Variants in ST7L observed in about 807,000 individuals in gnomAD.
ST7L encodes the protein suppression of tumorigenicity 7 like, also known as suppressor of tumorigenicity 7 protein-like.
In ST7L, 57 loss-of-function variants were observed where a neutral mutation model predicts 72.5. The observed-to-expected ratio is 0.79, with a 90% CI of 0.64 to 0.98. The LOEUF (loss-of-function observed/expected upper bound fraction) is 0.98, where lower values mean the gene tolerates loss of function less well. Among genes scored for constraint, ST7L ranks in the 50% least tolerant of loss-of-function variants. The pLI is 0.00. For synonymous variants in ST7L, 221 were observed against 240.9 expected (o/e 0.92, Z 0.77); for missense variants, 576 against 672.2 (o/e 0.86, Z 1.58).
chr1:112,543,464 C>T (rs1264730661), intron 13 of ST7L, among the ~76,000 whole-genome samples: 1 of 152,198 alleles, frequency 6.6e-6, no homozygotes, highest in East Asian at 1.9e-4. Flanking sequence ...AGGAAAATCG[C>T]TTGAACCCGG....
chr1:112,554,307 T>C, intron 12 of ST7L, among the ~76,000 whole-genome samples: 1 of 152,154 alleles, frequency 6.6e-6, no homozygotes, highest in East Asian at 1.9e-4. Context: ...TTTAAAACAG[T>C]CCAATTTATT....
downstream of ST7L, chr1:112,520,374 T>G (rs763616947): frequency 5.6e-6 from 9 of 1,614,034 alleles, 1 homozygote; most frequent in South Asian, 9.9e-5. Flanking sequence ...ACGACACAAC[T>G]CGAGTCACCC....
At chr1:112,618,278 GC>G (rs1361301694) in intron 1 of ST7L, 1 of 1,054,264 alleles carries the variant, frequency 9.5e-7, no homozygotes, top group East Asian at 8.7e-5. Flanking sequence ...AGAATACGTA[GC>G]AAGTGTTCTA....
intron 5 of ST7L, among the ~76,000 whole-genome samples, chr1:112,595,496 C>T (rs1666351429): frequency 6.6e-6 from 1 of 151,714 alleles, no homozygotes; most frequent in African/African-American, 2.4e-5. Context: ...TCATAGCTCA[C>T]TGCAGCCCCA....
chr1:112,558,865 G>C (rs1659626723), intron 11 of ST7L, among the ~76,000 whole-genome samples: 1 of 152,166 alleles, frequency 6.6e-6, no homozygotes, highest in Non-Finnish European at 1.5e-5. Flanking sequence ...TGGGAAAATG[G>C]ACTCAAATAG....
rs1403849577 is a variant in ST7L at position 112,599,100 on chromosome 1, ATATATATATATG to A, written c.507-1026_507-1015del. Among the ~76,000 whole-genome samples the A allele has an allele frequency of 6.0e-5, 5 of 83,988 alleles. No homozygotes were observed. In the East Asian group the frequency reaches 1.8e-3, roughly 30 times the overall value. The allele number at this position is 83,988 out of a possible 152,430, so 55.1% of individuals were successfully genotyped here. A position where few individuals can be genotyped will look rare whatever the true frequency, so the allele number is the denominator to read the frequency against. Reference sequence around the variant, plus strand: ...TATATATATATATATATATATATATATATATATATATGTGGATGTGTGTGTATACACACACAC... The same window carrying A: ...TATATATATATATATATATATATATATGGATGTGTGTGTATACACACACAC... On this transcript the variant is annotated intron_variant, in intron 4 of 14. Coordinates refer to ENST00000358039, the MANE Select transcript of ST7L (RefSeq NM_017744.5).
At chr1:112,614,441 A>G (rs1249837330) in intron 2 of ST7L, among the ~76,000 whole-genome samples, 1 of 152,166 alleles carries the variant, frequency 6.6e-6, no homozygotes, top group African/African-American at 2.4e-5. Flanking sequence ...ACATGCTAAA[A>G]TATGCTTATG....
At chr1:112,563,961 C>G (rs983960245) in intron 11 of ST7L, among the ~76,000 whole-genome samples, 1 of 152,176 alleles carries the variant, frequency 6.6e-6, no homozygotes, top group Non-Finnish European at 1.5e-5. Flanking sequence ...TCTCTGAAGG[C>G]ATCTGAAATT....
intron 11 of ST7L, among the ~76,000 whole-genome samples, chr1:112,565,230 T>TC (rs1660814542): frequency 7.3e-6 from 1 of 137,200 alleles, no homozygotes; most frequent in African/African-American, 2.7e-5. Context: ...TTTTTTTTTT[T>TC]TTTTTTTTTT....
intron 3 of ST7L, among the ~76,000 whole-genome samples, chr1:112,601,801 G>A (rs535970016): frequency 9.9e-4 from 151 of 152,098 alleles, no homozygotes; most frequent in African/African-American, 3.0e-3. Context: ...GGAAGAGGCC[G>A]GGCATGGTAG....
At chr1:112,614,557 C>T (rs1489922015) in intron 2 of ST7L, among the ~76,000 whole-genome samples, 2 of 152,070 alleles carry the variant, frequency 1.3e-5, no homozygotes, top group African/African-American at 2.4e-5. Context: ...TGGCATTTCA[C>T]TTTAACAAAA....
chr1:112,578,233 C>A (rs1328531645), intron 10 of ST7L, 112 bp downstream of exon 10: 2 of 1,064,296 alleles, frequency 1.9e-6, no homozygotes, highest in Non-Finnish European at 2.8e-6. Context: ...AGATCCAGGG[C>A]TATTCAGAAG....
intron 3 of ST7L, 135 bp from the exon 4 acceptor site, chr1:112,600,983 T>C (rs562953048): frequency 4.2e-5 from 30 of 707,474 alleles, no homozygotes; most frequent in Non-Finnish European, 6.5e-5. Context: ...AAGCATGCTT[T>C]CAAAAAACAG....
At chr1:112,534,103 C>G (rs529901229) in intron 14 of ST7L, among the ~76,000 whole-genome samples, 1 of 152,186 alleles carries the variant, frequency 6.6e-6, no homozygotes, top group Non-Finnish European at 1.5e-5. Flanking sequence ...AACCTAAGCA[C>G]CCTTTTTATT....
chr1:112,519,997 G>A (rs1464911686), downstream of ST7L, among the ~76,000 whole-genome samples: 17 of 150,670 alleles, frequency 1.1e-4, no homozygotes, highest in Non-Finnish European at 5.9e-5. Context: ...TCAGCCTCCT[G>A]AGTATCTAGG....
chr1:112,616,959 A>G, intron 1 of ST7L, 64 bp from the exon 2 acceptor site: 1 of 1,115,070 alleles, frequency 9.0e-7, no homozygotes, highest in East Asian at 2.4e-5. Context: ...GGTTACAAAT[A>G]TGCAAGTATC....
In ST7L at chr1:112,619,070, G is replaced by A. The variant is rs186026192; in HGVS notation, c.44C>T (p.Ala15Val). The change falls in exon 1 of 15, where the codon GCG (alanine) becomes GTG (valine). Residue 15 changes from alanine (A) to valine (V), a missense_variant. Transcript: ENST00000358039. ...GGVGEAAAVG[A>V]SPASVPGLNP... ...TAGGCCAGGGACAGATGCAGGAGAC[G>A]CTCCAACAGCTGCGGCTTCACCCAC... 2.1e-4 allele frequency: 343 copies of A among 1,613,664 alleles called. No homozygotes were observed. Among genetic ancestry groups the A allele is most frequent in the Admixed American group, 8.7e-4 (52 of 60,014 alleles).
At chr1:112,529,152 C>T (rs1226156908) in intron 14 of ST7L, 1 of 151,874 alleles carries the variant, frequency 6.6e-6, no homozygotes, top group African/African-American at 2.4e-5. Flanking sequence ...CAGTGTGGCA[C>T]TGAGTGTGTG....
intron 3 of ST7L, among the ~76,000 whole-genome samples, chr1:112,604,370 A>G (rs1667875992): frequency 6.6e-6 from 1 of 152,108 alleles, no homozygotes; most frequent in Non-Finnish European, 1.5e-5. Context: ...TCCAGCATCA[A>G]TTCTAAAATC....
Sources: gnomAD v4.1 joint callset for allele counts (sites outside exome capture counted in the v4.1 genomes callset) on GRCh38, gnomAD v4.1.1 for gene constraint, MANE v1.5 for transcripts, NCBI Gene and HGNC (gene_info 2026-07-23, HGNC 2026-07-21) for gene names.